Variants in GRIN2A observed in about 807,000 individuals in gnomAD.
The protein encoded by GRIN2A is glutamate receptor ionotropic, NMDA 2A.
GRIN2A carries 22 observed loss-of-function variants against 113.4 expected under a neutral mutation model. The observed-to-expected ratio is 0.19, with a 90% CI of 0.14 to 0.28. The LOEUF (loss-of-function observed/expected upper bound fraction) is 0.28. Among genes scored for constraint, GRIN2A ranks in the 10% least tolerant of loss-of-function variants. GRIN2A has a pLI of 1.00. For missense variants in GRIN2A, 1,502 were observed against 1,887.0 expected (o/e 0.80, Z 3.78); for synonymous variants, 827 against 738.4 (o/e 1.12, Z -1.94).
intron 2 of GRIN2A, among the ~76,000 whole-genome samples, chr16:10,043,215 G>T (rs2047196883): frequency 6.6e-6 from 1 of 152,112 alleles, no homozygotes; most frequent in African/African-American, 2.4e-5. Context: ...CTTTACAGAT[G>T]AGGAAACTGA....
chr16:9,896,547 ATAAC>A lies in GRIN2A; in HGVS notation c.1008-5451_1008-5448del, dbSNP rs1261704136. 4.6e-5 allele frequency among the ~76,000 whole-genome samples: 7 copies of A among 152,336 alleles called. No individual in the cohort carries two copies. The East Asian group carries it at 1.3e-3, about 29-fold the overall frequency. Reference sequence around the variant, plus strand: ...ACACTGTTCTTCAGATTATATGAAAATAACTATGCAGAAATCCTCATGCTTCAGA... The same window carrying A: ...ACACTGTTCTTCAGATTATATGAAAATATGCAGAAATCCTCATGCTTCAGA... On this transcript the variant is annotated intron_variant, in intron 3 of 12. Transcript: ENST00000330684.
intron 11 of GRIN2A, among the ~76,000 whole-genome samples, chr16:9,792,445 A>G (rs1017158096): frequency 6.6e-6 from 1 of 151,840 alleles, no homozygotes; most frequent in African/African-American, 2.4e-5. Context: ...GCTGATCTTG[A>G]CCTCCTGGAT....
intron 4 of GRIN2A, among the ~76,000 whole-genome samples, chr16:9,867,257 A>G (rs1198660861): frequency 6.6e-6 from 1 of 151,466 alleles, no homozygotes; most frequent in African/African-American, 2.4e-5. Context: ...AAATTTTAGG[A>G]CTCCCTCTCT....
intron 11 of GRIN2A, among the ~76,000 whole-genome samples, chr16:9,794,218 A>T (rs1480603711): frequency 6.6e-6 from 1 of 152,202 alleles, no homozygotes; most frequent in Non-Finnish European, 1.5e-5. Context: ...TTTCCTAGGG[A>T]AATGCATGGC....
Position 10,180,230 on chromosome 16 carries a change from G to T in GRIN2A, c.182C>A (p.Ala61Glu), listed in dbSNP as rs764780280. ...CACGTTCACGTCCAGGGGCAGCCCC[G>T]CCGCCTGCTCGGGGCCCCACAGTGT... The part of the protein sequence containing the change: ...LRTLWGPEQA[A>E]GLPLDVNVVA... Residue 61 changes from alanine (A) to glutamate (E), a missense_variant, in exon 2 of 13, where the codon GCG becomes GAG. Physicochemically the swap from Ala to Glu is moderately radical, Grantham distance 107 (BLOSUM62 -1). Around this residue, in one of 7 missense-constraint regions of GRIN2A, gnomAD observed 149 missense variants for 179.1 expected, o/e 0.83. Transcript: ENST00000330684. The surrounding 1 kb of genome is among the most constrained non-coding windows in gnomAD (Gnocchi z 7.0). The T allele has an allele frequency of 6.2e-7, 1 of 1,614,068 alleles. No individual in the cohort carries two copies. Among genetic ancestry groups the T allele is most frequent in the Non-Finnish European group, 8.5e-7 (1 of 1,180,026 alleles).
chr16:9,955,324 T>C (rs1239760401), intron 2 of GRIN2A, among the ~76,000 whole-genome samples: 1 of 152,248 alleles, frequency 6.6e-6, no homozygotes, highest in Non-Finnish European at 1.5e-5. Flanking sequence ...TTGCTTGTCT[T>C]GTTCCAGGTT....
intron 10 of GRIN2A, among the ~76,000 whole-genome samples, chr16:9,799,410 C>T (rs764001902): frequency 1.3e-5 from 2 of 152,186 alleles, no homozygotes; most frequent in Non-Finnish European, 1.5e-5. Context: ...CTGGAGCCTT[C>T]GGTGGAAGCG....
chr16:9,951,046 C>A (rs899046269), intron 2 of GRIN2A, among the ~76,000 whole-genome samples: 1 of 152,190 alleles, frequency 6.6e-6, no homozygotes, highest in Non-Finnish European at 1.5e-5. Context: ...CCCTCCTTAT[C>A]GGTGCTTAAC....
At chr16:9,993,764 T>G (rs554608624) in intron 2 of GRIN2A, among the ~76,000 whole-genome samples, 212 of 152,176 alleles carry the variant, frequency 1.4e-3, no homozygotes, top group African/African-American at 5.0e-3. Context: ...AACCTAAATC[T>G]GCCCCTAACT....
At chr16:9,884,344 T>C (rs1457854471) in intron 4 of GRIN2A, among the ~76,000 whole-genome samples, 1 of 151,092 alleles carries the variant, frequency 6.6e-6, no homozygotes, top group Non-Finnish European at 1.5e-5. Context: ...AGGTCAGGGG[T>C]TCAAGACCAG....
At position 10,169,341 on chromosome 16, in the gene GRIN2A, TCACCCCACA is replaced by T. The variant is rs560960325; in HGVS notation, c.414+10648_414+10656del. On this transcript the variant is annotated intron_variant, in intron 2 of 12. Transcript: ENST00000330684. ...CATCACCAGTTGTACCACTGAAGCA[TCACCCCACA>T]CCCTTGCTAACAGAAGCAATTTTGC... Among the ~76,000 whole-genome samples, 1,435 of 152,274 alleles carry T rather than the reference TCACCCCACA, an allele frequency of 9.4e-3. 11 individuals carry two copies. The highest frequency in any genetic ancestry group is 0.015 in the Non-Finnish European group (1,042 of 68,022).
intron 2 of GRIN2A, among the ~76,000 whole-genome samples, chr16:10,063,097 A>G (rs1287621905): frequency 6.6e-6 from 1 of 152,220 alleles, no homozygotes; most frequent in Non-Finnish European, 1.5e-5. Context: ...GCTGGAGGAC[A>G]TTATCCTAAG....
chr16:9,963,388 G>A (rs941567416), intron 2 of GRIN2A, among the ~76,000 whole-genome samples: 16 of 151,950 alleles, frequency 1.1e-4, no homozygotes, highest in African/African-American at 3.4e-4. Context: ...TATATTTTAA[G>A]CCCCGCATGC....
At chr16:10,078,172 C>A (rs2047912090) in intron 2 of GRIN2A, among the ~76,000 whole-genome samples, 1 of 152,178 alleles carries the variant, frequency 6.6e-6, no homozygotes, top group Non-Finnish European at 1.5e-5. Flanking sequence ...ATAATGACAA[C>A]AACAATAATG....
rs1367288960 is a variant in GRIN2A, at chr16:10,038,678, C to T, written c.415-100127G>A. 7.0e-4 allele frequency among the ~76,000 whole-genome samples: 102 copies of T among 145,220 alleles called. 1 individual carries two copies. Among genetic ancestry groups the T allele is most frequent in the South Asian group, 2.1e-3 (9 of 4,258 alleles). ...CTAACATGGTGAAACCCTGTCTCTA[C>T]TATAAAAAACACAAAAAAAATTACC... On this transcript the variant is annotated intron_variant, in intron 2 of 12. Coordinates refer to ENST00000330684, the MANE Select transcript of GRIN2A (RefSeq NM_001134407.3).
chr16:10,053,246 T>A (rs574789179), intron 2 of GRIN2A, among the ~76,000 whole-genome samples: 1 of 152,294 alleles, frequency 6.6e-6, no homozygotes, highest in East Asian at 1.9e-4. Context: ...AAGATTTCTG[T>A]AGTTGACTAG....
At chr16:9,981,058 G>A (rs1307593095) in intron 2 of GRIN2A, among the ~76,000 whole-genome samples, 1 of 150,510 alleles carries the variant, frequency 6.6e-6, no homozygotes, top group Non-Finnish European at 1.5e-5. Context: ...GAGAGAGAGA[G>A]AATAGTTTCA....
intron 3 of GRIN2A, among the ~76,000 whole-genome samples, chr16:9,900,989 C>G (rs2043910367): frequency 6.6e-6 from 1 of 152,214 alleles, no homozygotes; most frequent in Non-Finnish European, 1.5e-5. Flanking sequence ...GCATGTTGCT[C>G]TTCCAACCAA....
intron 3 of GRIN2A, among the ~76,000 whole-genome samples, chr16:9,916,540 G>A (rs1304250402): frequency 1.3e-5 from 2 of 152,178 alleles, no homozygotes; most frequent in Admixed American, 6.5e-5. Flanking sequence ...GAGCCACAGC[G>A]ATACAGTGAC....
Sources: allele counts gnomAD v4.1 joint callset (sites outside exome capture counted in the v4.1 genomes callset), GRCh38; gene constraint gnomAD v4.1.1; regional missense constraint gnomAD v4.1.1; non-coding constraint Gnocchi (gnomAD v3.1); transcripts MANE v1.5; gene names NCBI Gene and HGNC (gene_info 2026-07-23, HGNC 2026-07-21).